The following LARS1 variants were observed in gnomAD, a reference collection of about 807,000 sequenced individuals.
LARS1 encodes the protein leucyl-tRNA synthetase 1.
LARS1 carries 100 observed loss-of-function variants against 162.8 expected under a neutral mutation model. The observed-to-expected ratio is 0.61, with a 90% CI of 0.52 to 0.73. LARS1 has a LOEUF of 0.73. Ranked by LOEUF, LARS1 falls within the 30% of genes least tolerant of loss-of-function variation. The pLI, the probability that LARS1 is intolerant of heterozygous loss-of-function variation, is 0.00. For synonymous variants in LARS1, 457 were observed against 462.8 expected (o/e 0.99, Z 0.16); for missense variants, 1,258 against 1,408.9 (o/e 0.89, Z 1.71).
At chr5:146,120,988 C>A (rs1331465986) in intron 30 of LARS1, among the ~76,000 whole-genome samples, 1 of 152,008 alleles carries the variant, frequency 6.6e-6, no homozygotes, top group Admixed American at 6.6e-5. Context: ...AGTCCAGAAC[C>A]CTGTTTATTA....
rs771107824 is a variant in LARS1 at position 146,142,869 on chromosome 5, C to G, written c.2090+3G>C. The G allele has an allele frequency of 6.2e-7, 1 of 1,608,648 alleles. No individual in the cohort carries two copies. Among genetic ancestry groups the G allele is most frequent in the Admixed American group, 1.7e-5 (1 of 59,728 alleles). ...TCTAGTCCACACCTATTTTATCATT[C>G]ACCTTTGTTCCGGCCACATAGCCAC... On this transcript the variant is annotated splice_donor_region_variant and intron_variant, in intron 20 of 31. Coordinates refer to ENST00000394434, the MANE Select transcript of LARS1 (RefSeq NM_020117.11).
At chr5:146,117,304 T>C (rs1322650115) in intron 31 of LARS1, among the ~76,000 whole-genome samples, 2 of 152,128 alleles carry the variant, frequency 1.3e-5, no homozygotes, top group African/African-American at 4.8e-5. Flanking sequence ...TTTTATGTGC[T>C]ATAACATCAT....
Position 146,182,507 on chromosome 5 carries a change from C to G in LARS1, c.-14G>C. On this transcript the variant is annotated 5_prime_UTR_variant, in exon 1 of 32. Coordinates refer to ENST00000394434, the MANE Select transcript of LARS1 (RefSeq NM_020117.11). ...ACTCACCGCCATTGCACCGCCCAGC[C>G]GACTGTGCAAATCCACGACAATGAC... is the stretch of plus-strand genomic sequence containing the variant. 1 of 1,613,944 alleles carries G rather than the reference C, an allele frequency of 6.2e-7. No homozygotes were observed. The highest frequency in any genetic ancestry group is 1.1e-5 in the South Asian group (1 of 91,076).
chr5:146,139,911 C>T (rs981183045), intron 21 of LARS1, among the ~76,000 whole-genome samples: 3 of 149,774 alleles, frequency 2.0e-5, no homozygotes, highest in African/African-American at 7.4e-5. Context: ...ATTTATGCCT[C>T]GTCCTAAATA....
At chr5:146,151,020 T>A (rs1753263881) in intron 14 of LARS1, among the ~76,000 whole-genome samples, 1 of 151,552 alleles carries the variant, frequency 6.6e-6, no homozygotes. Flanking sequence ...TAGTTTGAAT[T>A]CCAGTTCCCA....
chr5:146,172,408 C>A (rs1036935967), intron 3 of LARS1, among the ~76,000 whole-genome samples: 2 of 151,718 alleles, frequency 1.3e-5, no homozygotes, highest in Non-Finnish European at 2.9e-5. Flanking sequence ...CCCAGCTACT[C>A]GGGAGGCTGA....
chr5:146,141,553 G>A (rs997482994), intron 20 of LARS1, among the ~76,000 whole-genome samples: 2 of 151,028 alleles, frequency 1.3e-5, no homozygotes, highest in Admixed American at 6.6e-5. Context: ...CCTGTAATCC[G>A]AGTACTTTGG....
At chr5:146,159,221 G>A (rs1179230282) in intron 8 of LARS1, among the ~76,000 whole-genome samples, 186 bp downstream of exon 8, 1 of 152,124 alleles carries the variant, frequency 6.6e-6, no homozygotes, top group Admixed American at 6.5e-5. Flanking sequence ...TGACTCTTAG[G>A]ATAGCTAGGT....
At chr5:146,131,141 G>C in intron 23 of LARS1, 32 bp from the exon 24 acceptor site, 1 of 1,144,546 alleles carries the variant, frequency 8.7e-7, no homozygotes, top group Non-Finnish European at 1.3e-6. Context: ...AGGTTATTGA[G>C]TTTAAAGGCA....
intron 8 of LARS1, 65 bp from the exon 9 acceptor site, chr5:146,157,860 A>C: frequency 6.8e-7 from 1 of 1,465,420 alleles, no homozygotes; most frequent in Non-Finnish European, 9.5e-7. Context: ...CTACTAATCT[A>C]TGTGAGAGAT....
At chr5:146,136,480 CTA>C (rs1752504166) in intron 21 of LARS1, among the ~76,000 whole-genome samples, 1 of 143,302 alleles carries the variant, frequency 7.0e-6, no homozygotes, top group East Asian at 2.0e-4. Flanking sequence ...TACAGATTAC[CTA>C]TTTTTTTTTT....
chr5:146,176,811 C>T (rs6860704), intron 2 of LARS1, among the ~76,000 whole-genome samples: 6 of 151,998 alleles, frequency 3.9e-5, no homozygotes, highest in African/African-American at 1.4e-4. Flanking sequence ...AACATTTATA[C>T]TTCTATAAGC....
intron 22 of LARS1, among the ~76,000 whole-genome samples, chr5:146,133,433 T>A (rs1234021112): frequency 2.0e-5 from 3 of 152,128 alleles, no homozygotes; most frequent in Non-Finnish European, 2.9e-5. Context: ...TTATCAACAT[T>A]TCAGCCTCAT....
At chr5:146,134,933 A>G (rs183022090) in intron 22 of LARS1, among the ~76,000 whole-genome samples, 5 of 152,338 alleles carry the variant, frequency 3.3e-5, no homozygotes, top group Non-Finnish European at 7.3e-5. Context: ...TGGGTGACAG[A>G]GCAAGACTCT....
chr5:146,128,772 T>C lies in LARS1; in HGVS notation c.2780A>G (p.Lys927Arg). The change falls in exon 27 of 32, where the codon AAA (lysine) becomes AGA (arginine). Residue 927 changes from lysine to arginine, a missense_variant. Physicochemically the swap from Lys to Arg is conservative, Grantham distance 26. Transcript: ENST00000394434. ...MMPAKGKKTDKQPLQKPSHCT... is the reference protein window; with the variant it reads ...MMPAKGKKTDRQPLQKPSHCT... ...ATGTGAGGGCTTCTGCAGGGGTTGT[T>C]TGTCAGTCTTCTAGACGGTAAAAGA... is the stretch of plus-strand genomic sequence containing the variant. 3 of 1,602,152 alleles carry C rather than the reference T, an allele frequency of 1.9e-6. No homozygotes were observed. Among genetic ancestry groups the C allele is most frequent in the South Asian group, 1.1e-5 (1 of 88,596 alleles).
chr5:146,173,839 G>A (rs35749752), intron 2 of LARS1, among the ~76,000 whole-genome samples: 15 of 151,638 alleles, frequency 9.9e-5, no homozygotes, highest in African/African-American at 3.6e-4. Flanking sequence ...TGCACACTTG[G>A]CAGCACCCTT....
At chr5:146,142,032 C>T (rs961997784) in intron 20 of LARS1, among the ~76,000 whole-genome samples, 1 of 152,094 alleles carries the variant, frequency 6.6e-6, no homozygotes, top group Non-Finnish European at 1.5e-5. Context: ...TAGTGGTGCA[C>T]ACCTGTAATC....
chr5:146,166,506 T>C (rs926683404), intron 5 of LARS1, among the ~76,000 whole-genome samples: 4 of 152,086 alleles, frequency 2.6e-5, no homozygotes, highest in African/African-American at 9.7e-5. Context: ...GCCCCAGAGC[T>C]GAAGACCAGC....
intron 26 of LARS1, 39 bp from the exon 27 acceptor site, chr5:146,128,821 T>C (rs753631797): frequency 6.5e-7 from 1 of 1,549,392 alleles, no homozygotes. Flanking sequence ...CAATAGCTTT[T>C]ATATAAACCA....
Sources: gnomAD v4.1 joint callset for allele counts (sites outside exome capture counted in the v4.1 genomes callset) on GRCh38, gnomAD v4.1.1 for gene constraint, MANE v1.5 for transcripts, NCBI Gene and HGNC (gene_info 2026-07-23, HGNC 2026-07-21) for gene names.